Variants in ZFC3H1 observed in about 807,000 individuals in gnomAD.
The protein encoded by ZFC3H1 is zinc finger C3H1-type containing.
Under a neutral mutation model 243.7 loss-of-function variants are expected in ZFC3H1, and 71 were observed. That is an observed-to-expected ratio of 0.29 (90% confidence interval 0.24 to 0.36). The LOEUF is 0.36. Among genes scored for constraint, ZFC3H1 ranks in the 10% least tolerant of loss-of-function variants. The pLI is 1.00. For missense variants in ZFC3H1, 1,966 were observed against 2,317.1 expected (o/e 0.85, Z 3.11); for synonymous variants, 838 against 813.0 (o/e 1.03, Z -0.52).
chr12:71,618,585 C>T (rs890997079), intron 27 of ZFC3H1, among the ~76,000 whole-genome samples: 2 of 152,138 alleles, frequency 1.3e-5, no homozygotes, highest in Admixed American at 1.3e-4. Context: ...TGGCTGGTTT[C>T]TCAATAAAGC....
At chr12:71,646,571 A>C (rs1880734920) in intron 3 of ZFC3H1, among the ~76,000 whole-genome samples, 1 of 152,218 alleles carries the variant, frequency 6.6e-6, no homozygotes, top group Admixed American at 6.5e-5. Context: ...AAATAAAGCT[A>C]TCCTCACTGT....
At chr12:71,659,864 A>G (rs1216838491) in intron 1 of ZFC3H1, among the ~76,000 whole-genome samples, 1 of 152,202 alleles carries the variant, frequency 6.6e-6, no homozygotes, top group East Asian at 1.9e-4. Context: ...TTTACTGATG[A>G]GAGACACTAG....
chr12:71,631,092 C>T (rs953183612), intron 16 of ZFC3H1, 138 bp from the exon 17 acceptor site: 2 of 874,650 alleles, frequency 2.3e-6, no homozygotes, highest in African/African-American at 1.7e-5. Flanking sequence ...TAAATTAATG[C>T]CAAAATTAAT....
intron 27 of ZFC3H1, 43 bp downstream of exon 27, chr12:71,619,272 G>GCT (rs759827300): frequency 6.4e-7 from 1 of 1,559,142 alleles, no homozygotes; most frequent in African/African-American, 1.4e-5. Context: ...ACTGAACTGT[G>GCT]CTCTCTCTCA....
chr12:71,617,667 C>G (rs1299352020), intron 27 of ZFC3H1, among the ~76,000 whole-genome samples: 1 of 152,142 alleles, frequency 6.6e-6, no homozygotes, highest in African/African-American at 2.4e-5. Flanking sequence ...TTTGCCTGAG[C>G]TTGAGATGTT....
chr12:71,660,666 T>C (rs1304417263), intron 1 of ZFC3H1, among the ~76,000 whole-genome samples: 5 of 152,228 alleles, frequency 3.3e-5, no homozygotes, highest in African/African-American at 1.2e-4. Context: ...ACCTCCCCCT[T>C]TTCTAATACA....
chr12:71,634,238 A>T lies in ZFC3H1; in HGVS notation c.2427T>A (p.Ser809=). 1.9e-6 allele frequency: 3 copies of T among 1,613,996 alleles called. No homozygotes were observed. The highest frequency in any genetic ancestry group is 1.1e-5 in the South Asian group (1 of 91,072). The change falls in exon 12 of 35, where the codon TCT becomes TCA. Residue 809 remains serine, a synonymous_variant. Coordinates refer to ENST00000378743, the MANE Select transcript of ZFC3H1 (RefSeq NM_144982.5). The part of the protein sequence containing the change: ...LKTSSSSPAN[S]DVEIDGIGRI... The stretch of plus-strand genomic sequence containing the variant: ...TGCCAATACCATCAATTTCCACATC[A>T]GAGTTTGCTGGGGATGATGAACTTG...
Position 71,610,250 on chromosome 12 carries a change from A to C in ZFC3H1, c.*178T>G. The C allele has an allele frequency of 1.5e-6, 1 of 675,748 alleles. No homozygotes were observed. 41.9% of individuals were successfully genotyped at this position (675,748 alleles called of 1,614,324 possible). On this transcript the variant is annotated 3_prime_UTR_variant, in exon 35 of 35. Transcript: ENST00000378743. ...ACAGGAAGTTCATTTATCCAACCGA[A>C]GAGGATCATGTTCATTGCTTCCGGT...
intron 2 of ZFC3H1, among the ~76,000 whole-genome samples, chr12:71,649,855 AAC>A (rs1880834441): frequency 6.6e-6 from 1 of 152,210 alleles, no homozygotes; most frequent in Admixed American, 6.5e-5. Context: ...AGTATCTATT[AAC>A]ATAGCAGGTA....
chr12:71,634,067 T>TTATATATATATATA, intron 12 of ZFC3H1, 88 bp downstream of exon 12: 1 of 1,327,190 alleles, frequency 7.5e-7, no homozygotes, highest in Admixed American at 2.3e-5. Flanking sequence ...ATGTATAATC[T>TTATATATATATATA]TATAGTACGC....
intron 1 of ZFC3H1, among the ~76,000 whole-genome samples, chr12:71,657,899 GA>G (rs1881061617): frequency 1.3e-5 from 2 of 151,634 alleles, no homozygotes; most frequent in Non-Finnish European, 2.9e-5. Flanking sequence ...TGAGGCAAGA[GA>G]ATTGCTTGAA....
chr12:71,629,568 C>CACACAA (rs2137532299), intron 19 of ZFC3H1, 41 bp downstream of exon 19: 1 of 1,151,314 alleles, frequency 8.7e-7, no homozygotes, highest in Non-Finnish European at 1.3e-6. Context: ...CACACACACA[C>CACACAA]ACACACACAC....
chr12:71,657,981 C>T (rs910736549), intron 1 of ZFC3H1, among the ~76,000 whole-genome samples: 2 of 149,924 alleles, frequency 1.3e-5, no homozygotes, highest in African/African-American at 4.9e-5. Context: ...AGAGGGAGAC[C>T]TCATCTCAAA....
chr12:71,647,580 T>A (rs1018179919), intron 3 of ZFC3H1, among the ~76,000 whole-genome samples, 169 bp downstream of exon 3: 9 of 152,172 alleles, frequency 5.9e-5, no homozygotes, highest in Non-Finnish European at 1.2e-4. Context: ...GAAAAGAGAC[T>A]GCAAGATGTC....
intron 4 of ZFC3H1, 141 bp from the exon 5 acceptor site, chr12:71,644,459 C>A: frequency 1.2e-6 from 1 of 839,912 alleles, no homozygotes. Context: ...CATTTTAGGG[C>A]CCTGTAATTC....
intron 2 of ZFC3H1, among the ~76,000 whole-genome samples, chr12:71,649,207 CAA>C (rs1880813914): frequency 6.6e-6 from 1 of 152,068 alleles, no homozygotes; most frequent in Admixed American, 6.6e-5. Context: ...AAACTGCACC[CAA>C]GTGATCTGAG....
At chr12:71,658,432 G>A (rs897476091) in intron 1 of ZFC3H1, among the ~76,000 whole-genome samples, 5 of 151,840 alleles carry the variant, frequency 3.3e-5, no homozygotes, top group Non-Finnish European at 1.5e-5. Flanking sequence ...TGGATTACAG[G>A]TGCGTGCCAC....
chr12:71,637,308 T>C (rs1393535986), intron 7 of ZFC3H1, among the ~76,000 whole-genome samples: 6 of 152,176 alleles, frequency 3.9e-5, no homozygotes, highest in East Asian at 1.9e-4. Flanking sequence ...AGGAAAATTA[T>C]AGAAACTTCT....
In ZFC3H1 at chr12:71,630,959, G is replaced by C; in HGVS notation, c.3471-5C>G. 1 of 1,601,882 alleles carries C rather than the reference G, an allele frequency of 6.2e-7. No individual in the cohort carries two copies. Among genetic ancestry groups the C allele is most frequent in the Non-Finnish European group, 8.5e-7 (1 of 1,171,844 alleles). ...GTTCGATAATATGGACTAAATCTAA[G>C]GTGAAGAGAGTGAACAGGTATATTA... On this transcript the variant is annotated splice_polypyrimidine_tract_variant and splice_region_variant and intron_variant, in intron 16 of 34. Coordinates refer to ENST00000378743, the MANE Select transcript of ZFC3H1 (RefSeq NM_144982.5).
Sources: allele counts gnomAD v4.1 joint callset (sites outside exome capture counted in the v4.1 genomes callset), GRCh38; gene constraint gnomAD v4.1.1; transcripts MANE v1.5; gene names NCBI Gene and HGNC (gene_info 2026-07-23, HGNC 2026-07-21).